The following SEMA5B variants were observed in gnomAD, a reference collection of about 807,000 sequenced individuals.
The protein encoded by SEMA5B is semaphorin 5B, also known as semaphorin-5B.
In SEMA5B, 66 loss-of-function variants were observed where a neutral mutation model predicts 135.0. The ratio of observed to expected loss-of-function variants is 0.49; its 90% CI spans 0.40 to 0.60. SEMA5B has a LOEUF of 0.60. Ranked by LOEUF, SEMA5B falls within the 20% of genes least tolerant of loss-of-function variation. The probability of loss-of-function intolerance (pLI) is 0.00; values close to 1 mark genes in which losing one functional copy is unlikely to be tolerated. For synonymous variants in SEMA5B, 690 were observed against 639.5 expected (o/e 1.08, Z -1.19); for missense variants, 1,501 against 1,566.3 (o/e 0.96, Z 0.70).
In SEMA5B at chr3:122,948,686, C is replaced by T. The variant is rs372437206; in HGVS notation, c.148G>A (p.Gly50Arg). The T allele has an allele frequency of 7.3e-5, 117 of 1,606,022 alleles. No homozygotes were observed. Among genetic ancestry groups the T allele is most frequent in the Non-Finnish European group, 9.1e-5 (107 of 1,174,306 alleles). The part of the protein sequence containing the change: ...VRGLLPCLPP[G>R]ARTAEGPIMV... ...ATAGGCCCCTCTGCAGTCCTAGCTC[C>T]GGGAGGCAGACAGGGGAGAAGACCT... Residue 50 changes from glycine (G) to arginine (R), a missense_variant, in exon 3 of 23, where the codon GGA (glycine) becomes AGA (arginine). Physicochemically the swap from Gly to Arg is moderately radical, Grantham distance 125. Coordinates refer to ENST00000357599, the MANE Select transcript of SEMA5B (RefSeq NM_001031702.4).
At chr3:122,985,863 T>A (rs1444356524) in intron 1 of SEMA5B, among the ~76,000 whole-genome samples, 2 of 152,116 alleles carry the variant, frequency 1.3e-5, no homozygotes, top group Non-Finnish European at 1.5e-5. Context: ...ATAGTCCAAA[T>A]CAAGAAATAA....
At position 122,913,580 on chromosome 3, in the gene SEMA5B, C is replaced by G; in HGVS notation, c.2234G>C (p.Arg745Pro). ...GTTGCCGTTCTCGCAGGCCCGACGC[C>G]GCGACTGCATGCCCCCTCCACAGTT... ...SSNCGGGMQS[R>P]RRACENGNSC... is the part of the protein sequence containing the mutation. Residue 745 changes from arginine (R) to proline (P), a missense_variant, in exon 16 of 23, where the codon CGG becomes CCG. Around this residue, in one of 2 missense-constraint regions of SEMA5B, gnomAD observed 927 missense variants for 881.6 expected, o/e 1.05. Transcript: ENST00000357599. The G allele has an allele frequency of 1.2e-6, 2 of 1,613,174 alleles. No individual in the cohort carries two copies. The highest frequency in any genetic ancestry group is 1.7e-6 in the Non-Finnish European group (2 of 1,179,896).
chr3:122,939,579 G>T, intron 4 of SEMA5B, 109 bp from the exon 5 acceptor site: 1 of 795,658 alleles, frequency 1.3e-6, no homozygotes, highest in Non-Finnish European at 2.2e-6. Context: ...GGTGCTGATT[G>T]CCTAGGGTCA....
intron 1 of SEMA5B, among the ~76,000 whole-genome samples, chr3:123,010,091 G>A (rs1295288032): frequency 2.0e-5 from 3 of 152,206 alleles, no homozygotes; most frequent in African/African-American, 7.2e-5. Flanking sequence ...GTGGGGCCTG[G>A]AGGACCGGAG....
rs1461895886 is a variant in SEMA5B at position 122,909,348 on chromosome 3, C to A, written c.*795G>T. ...CAGAGACTCCCAAGCAGGTCTCAGC[C>A]AACAACTCTGTTGAGCAGCAACTGG... On this transcript the variant is annotated 3_prime_UTR_variant, in exon 23 of 23. Coordinates refer to ENST00000357599, the MANE Select transcript of SEMA5B (RefSeq NM_001031702.4). 1 of 152,690 alleles carries A rather than the reference C, an allele frequency of 6.5e-6. No homozygotes were observed. Among genetic ancestry groups the A allele is most frequent in the Non-Finnish European group, 1.5e-5 (1 of 68,132 alleles). The allele number at this position is 152,690 out of a possible 1,614,324, so 9.5% of individuals were successfully genotyped here. A position where few individuals can be genotyped will look rare whatever the true frequency, so the allele number is the denominator to read the frequency against.
chr3:123,008,774 G>A (rs1179639375), intron 1 of SEMA5B, among the ~76,000 whole-genome samples: 2 of 152,154 alleles, frequency 1.3e-5, no homozygotes, highest in African/African-American at 2.4e-5. Flanking sequence ...TTTGAAGACA[G>A]GGGGAGAGAG....
intron 5 of SEMA5B, among the ~76,000 whole-genome samples, chr3:122,933,800 T>A (rs1939103208): frequency 6.6e-6 from 1 of 152,176 alleles, no homozygotes; most frequent in African/African-American, 2.4e-5. Context: ...TTCAATTCAA[T>A]GTTTATTTTC....
Position 122,983,262 on chromosome 3 carries a change from T to A in SEMA5B, c.-38-21961A>T, listed in dbSNP as rs576465854. Among the ~76,000 whole-genome samples the A allele has an allele frequency of 6.6e-5, 10 of 152,176 alleles. No individual in the cohort carries two copies. In the South Asian group the frequency reaches 2.1e-3, roughly 32 times the overall value. On this transcript the variant is annotated intron_variant, in intron 1 of 22. Transcript: ENST00000357599. ...GTACATCTAAGTCATCTCAAGGATT[T>A]TTTTGGGGGGGTTTTGTTTCATTTT... is the stretch of plus-strand genomic sequence containing the variant.
In SEMA5B at chr3:122,915,445, G is replaced by A. The variant is rs773223130; in HGVS notation, c.1983C>T (p.Cys661=). 3 of 1,609,930 alleles carry A rather than the reference G, an allele frequency of 1.9e-6. No homozygotes were observed. The South Asian group carries it at 3.3e-5, about 18-fold the overall frequency. Residue 661 remains cysteine, a synonymous_variant, in exon 14 of 23, where the codon TGC becomes TGT. Transcript: ENST00000357599. ...CLGPAIHIAN[C]SRNGAWTPWS... ...TAAACCCTGTCCTCACATACCTGGA[G>A]CAGTTGGCGATGTGGATGGCTGGCC...
intron 4 of SEMA5B, among the ~76,000 whole-genome samples, chr3:122,942,700 G>A (rs536008087): frequency 6.6e-6 from 1 of 152,236 alleles, no homozygotes; most frequent in South Asian, 2.1e-4. Flanking sequence ...CACCTGGAAG[G>A]GTTGCTAAAA....
chr3:122,972,480 A>G (rs1311616158), intron 1 of SEMA5B, among the ~76,000 whole-genome samples: 1 of 152,206 alleles, frequency 6.6e-6, no homozygotes. Context: ...CCCTTGAAAT[A>G]TGAGTCAAAT....
intron 1 of SEMA5B, among the ~76,000 whole-genome samples, chr3:123,023,545 G>C (rs1488288422): frequency 6.6e-6 from 1 of 152,146 alleles, no homozygotes; most frequent in Non-Finnish European, 1.5e-5. Context: ...GTACAAAGTA[G>C]GTGTTTAGCT....
intron 1 of SEMA5B, among the ~76,000 whole-genome samples, chr3:123,009,806 T>G (rs1942395270): frequency 6.6e-6 from 1 of 152,214 alleles, no homozygotes; most frequent in Non-Finnish European, 1.5e-5. Context: ...GGATGTCTCA[T>G]GGCTTTAGCT....
At chr3:122,974,028 C>T (rs1032659422) in intron 1 of SEMA5B, among the ~76,000 whole-genome samples, 1 of 152,218 alleles carries the variant, frequency 6.6e-6, no homozygotes, top group Non-Finnish European at 1.5e-5. Flanking sequence ...CCCGAATGTA[C>T]ACCCTGTCAG....
intron 1 of SEMA5B, among the ~76,000 whole-genome samples, chr3:123,025,568 C>A (rs1942778821): frequency 6.6e-6 from 1 of 152,218 alleles, no homozygotes; most frequent in Non-Finnish European, 1.5e-5. Context: ...AAGGCTCTGG[C>A]ACTGGCTGCT....
chr3:123,020,669 T>A (rs1222036870), intron 1 of SEMA5B, among the ~76,000 whole-genome samples: 4 of 152,210 alleles, frequency 2.6e-5, no homozygotes, highest in Non-Finnish European at 1.5e-5. Flanking sequence ...CAACCATGGC[T>A]GCCTATTCGA....
chr3:122,985,357 G>A (rs985823699), intron 1 of SEMA5B, among the ~76,000 whole-genome samples: 1 of 152,046 alleles, frequency 6.6e-6, no homozygotes, highest in African/African-American at 2.4e-5. Context: ...TAAGAAATTA[G>A]CCCAGCAGGT....
At chr3:123,005,420 G>T (rs973970420) in intron 1 of SEMA5B, among the ~76,000 whole-genome samples, 1 of 152,040 alleles carries the variant, frequency 6.6e-6, no homozygotes, top group African/African-American at 2.4e-5. Flanking sequence ...GGAGTGCAGT[G>T]GTGCGATCAT....
chr3:123,016,500 CTG>C (rs561924369), intron 1 of SEMA5B, among the ~76,000 whole-genome samples: 151 of 152,318 alleles, frequency 9.9e-4, no homozygotes, highest in South Asian at 2.3e-3. Flanking sequence ...AGTTGTTATA[CTG>C]TGTTGTTTAG....
Sources: gnomAD v4.1 joint callset for allele counts (sites outside exome capture counted in the v4.1 genomes callset) on GRCh38, gnomAD v4.1.1 for gene constraint, gnomAD v4.1.1 regional missense constraint, MANE v1.5 for transcripts, NCBI Gene and HGNC (gene_info 2026-07-23, HGNC 2026-07-21) for gene names.